The following ECHDC1 variants were observed in gnomAD, a reference collection of about 807,000 sequenced individuals.
ECHDC1 encodes the protein ethylmalonyl-CoA decarboxylase 1.
In ECHDC1, 29 loss-of-function variants were observed where a neutral mutation model predicts 29.7. That is an observed-to-expected ratio of 0.98 (90% CI 0.73 to 1.33). The LOEUF is 1.33. ECHDC1 is among the 40% of genes most tolerant of loss of function. The probability of loss-of-function intolerance (pLI) is 0.00; values close to 1 mark genes in which losing one functional copy is unlikely to be tolerated. For synonymous variants in ECHDC1, 126 were observed against 123.1 expected (o/e 1.02, Z -0.15); for missense variants, 328 against 350.0 (o/e 0.94, Z 0.50).
At chr6:127,321,326 G>A (rs1473088680) in intron 3 of ECHDC1, among the ~76,000 whole-genome samples, 12 of 152,248 alleles carry the variant, frequency 7.9e-5, no homozygotes, top group South Asian at 4.1e-4. Flanking sequence ...GTTTCAGAAT[G>A]TTTCAGCCAT....
intron 1 of ECHDC1, among the ~76,000 whole-genome samples, chr6:127,341,891 A>G (rs2114724282): frequency 1.3e-5 from 2 of 152,370 alleles, no homozygotes; most frequent in Middle Eastern, 3.4e-3. Flanking sequence ...GACTGTCTGT[A>G]TATCGCCTGT....
At chr6:127,319,767 A>G (rs906105116) in intron 3 of ECHDC1, among the ~76,000 whole-genome samples, 1 of 152,208 alleles carries the variant, frequency 6.6e-6, no homozygotes, top group Non-Finnish European at 1.5e-5. Flanking sequence ...TTTTCATGCT[A>G]TCTGGATGAT....
In ECHDC1 at chr6:127,289,077, G is replaced by GTTGT. The variant is rs1240054973; in HGVS notation, c.*788_*791dup. The GTTGT allele has an allele frequency of 6.6e-6, 1 of 151,998 alleles. No homozygotes were observed. The highest frequency in any genetic ancestry group is 1.9e-4 in the East Asian group (1 of 5,184). The allele number at this position is 151,998 out of a possible 1,614,324, so 9.4% of individuals were successfully genotyped here. A position where few individuals can be genotyped will look rare whatever the true frequency, so the allele number is the denominator to read the frequency against. On this transcript the variant is annotated 3_prime_UTR_variant, in exon 6 of 6. Transcript: ENST00000454859. ...TTGAAAGATAGTTGTTAGAAGGTTAGTTGTTTTTCAGGAAAAAAAAGAAAT... is the reference window on the plus strand; with the variant it reads ...TTGAAAGATAGTTGTTAGAAGGTTAGTTGTTTGTTTTTCAGGAAAAAAAAGAAAT...
At chr6:127,306,916 C>A (rs1208294955) in intron 5 of ECHDC1, among the ~76,000 whole-genome samples, 1 of 152,068 alleles carries the variant, frequency 6.6e-6, no homozygotes, top group African/African-American at 2.4e-5. Flanking sequence ...AAAAGTAGAC[C>A]ATATGTTTGG....
At chr6:127,324,528 T>C (rs1027515785) in intron 3 of ECHDC1, among the ~76,000 whole-genome samples, 1 of 152,180 alleles carries the variant, frequency 6.6e-6, no homozygotes, top group African/African-American at 2.4e-5. Flanking sequence ...GCTATATCAA[T>C]GTACTTGAAA....
intron 4 of ECHDC1, chr6:127,315,176 T>C (rs1202149260): frequency 1.8e-6 from 1 of 561,020 alleles, no homozygotes; most frequent in Admixed American, 2.2e-5. Flanking sequence ...AGCCATATTG[T>C]AACTTACTCC....
At chr6:127,325,077 A>G (rs1298518776) in intron 3 of ECHDC1, among the ~76,000 whole-genome samples, 3 of 152,202 alleles carry the variant, frequency 2.0e-5, no homozygotes, top group Non-Finnish European at 4.4e-5. Context: ...CAAGGTTAAC[A>G]TCATTAGTGA....
At chr6:127,313,670 A>C in intron 5 of ECHDC1, 1 of 438,518 alleles carries the variant, frequency 2.3e-6, no homozygotes. Flanking sequence ...GTGTATAATG[A>C]ATTTTTAAAA....
rs370338905 is a variant in ECHDC1 at position 127,306,707 on chromosome 6, C to A, written c.497+8109G>T. Among the ~76,000 whole-genome samples, 55 of 152,258 alleles carry A rather than the reference C, an allele frequency of 3.6e-4. No individual in the cohort carries two copies. In the East Asian group the frequency reaches 5.8e-3, roughly 16 times the overall value. ...AAACCTCTCTTCTTTATAAATTACC[C>A]AGTCTCAGGTAGTTCTTTATAGCAA... On this transcript the variant is annotated intron_variant, in intron 5 of 5. Transcript: ENST00000454859.
intron 3 of ECHDC1, among the ~76,000 whole-genome samples, chr6:127,319,329 T>C (rs1782650240): frequency 6.6e-6 from 1 of 152,212 alleles, no homozygotes; most frequent in South Asian, 2.1e-4. Context: ...GTATATATTT[T>C]ATTAAGGGAG....
intron 5 of ECHDC1, among the ~76,000 whole-genome samples, chr6:127,296,391 C>T (rs1054872011): frequency 6.6e-6 from 1 of 152,118 alleles, no homozygotes; most frequent in Non-Finnish European, 1.5e-5. Context: ...GACAGGGTTT[C>T]ACCATACTGG....
chr6:127,304,200 G>C (rs572419964), intron 5 of ECHDC1, among the ~76,000 whole-genome samples: 14 of 152,320 alleles, frequency 9.2e-5, no homozygotes, highest in Admixed American at 9.2e-4. Context: ...AGCAGAGAGA[G>C]AGAGAGATGT....
chr6:127,311,669 C>CAAAAAAAAAAA (rs71272311), intron 5 of ECHDC1, among the ~76,000 whole-genome samples: 89 of 25,062 alleles, frequency 3.6e-3, no homozygotes, highest in Non-Finnish European at 6.4e-3. Context: ...GGCTCTGTCT[C>CAAAAAAAAAAA]AAAAAAAAAA....
At chr6:127,322,012 A>T (rs1294189544) in intron 3 of ECHDC1, among the ~76,000 whole-genome samples, 1 of 151,856 alleles carries the variant, frequency 6.6e-6, no homozygotes. Flanking sequence ...CAAAATAAAC[A>T]AACAAAAAAG....
chr6:127,327,344 G>T (rs567232144), intron 2 of ECHDC1, among the ~76,000 whole-genome samples, 200 bp from the exon 3 acceptor site: 3 of 152,132 alleles, frequency 2.0e-5, no homozygotes, highest in Non-Finnish European at 4.4e-5. Context: ...CATTGTAAAT[G>T]TAAATTTATT....
At position 127,289,456 on chromosome 6, in the gene ECHDC1, C is replaced by T. The variant is rs1779924521; in HGVS notation, c.*413G>A. ...TGTTTTCTTGTTCCCTGATACCTCCCCACTTTTGTTCTTTAGCAGCAACAC... is the reference window on the plus strand; with the variant it reads ...TGTTTTCTTGTTCCCTGATACCTCCTCACTTTTGTTCTTTAGCAGCAACAC... On this transcript the variant is annotated 3_prime_UTR_variant, in exon 6 of 6. Coordinates refer to ENST00000454859, the MANE Select transcript of ECHDC1 (RefSeq NM_001002030.2). 1 of 158,066 alleles carries T rather than the reference C, an allele frequency of 6.3e-6. No homozygotes were observed. The allele number at this position is 158,066 out of a possible 1,614,324, so 9.8% of individuals were successfully genotyped here. A position where few individuals can be genotyped will look rare whatever the true frequency, so the allele number is the denominator to read the frequency against.
chr6:127,312,390 C>G (rs1390963441), intron 5 of ECHDC1, among the ~76,000 whole-genome samples: 1 of 152,090 alleles, frequency 6.6e-6, no homozygotes, highest in Admixed American at 6.6e-5. Flanking sequence ...GGTTCCCACC[C>G]GTCAAATGGC....
chr6:127,337,342 T>G (rs1322442813), intron 1 of ECHDC1, among the ~76,000 whole-genome samples: 1 of 152,188 alleles, frequency 6.6e-6, no homozygotes, highest in East Asian at 1.9e-4. Flanking sequence ...CTCTGAAGTC[T>G]GCTGAGAGAT....
At chr6:127,328,378 G>A (rs974863710) in intron 2 of ECHDC1, among the ~76,000 whole-genome samples, 1 of 152,220 alleles carries the variant, frequency 6.6e-6, no homozygotes, top group South Asian at 2.1e-4. Flanking sequence ...GTTGCCTATA[G>A]TATTCAGGAA....
Sources: gnomAD v4.1 joint callset for allele counts (sites outside exome capture counted in the v4.1 genomes callset) on GRCh38, gnomAD v4.1.1 for gene constraint, MANE v1.5 for transcripts, NCBI Gene and HGNC (gene_info 2026-07-23, HGNC 2026-07-21) for gene names.